The following HIVEP1 variants were observed in gnomAD, a reference collection of about 807,000 sequenced individuals.
HIVEP1 encodes the protein HIVEP zinc finger 1, also known as zinc finger protein 40.
In HIVEP1, 36 loss-of-function variants were observed where a neutral mutation model predicts 180.0. The observed-to-expected ratio is 0.20, with a 90% confidence interval of 0.15 to 0.26. The LOEUF (loss-of-function observed/expected upper bound fraction) is 0.26, where lower values mean the gene tolerates loss of function less well. HIVEP1 is among the 10% of genes least tolerant of loss of function. The pLI is 1.00. For synonymous variants in HIVEP1, 1,239 were observed against 1,239.0 expected (o/e 1.00, Z 0.00); for missense variants, 3,143 against 3,268.7 (o/e 0.96, Z 0.94).
At chr6:12,183,732 TACCTCTAATATTC>T in the HIVEP1 span, among the ~76,000 whole-genome samples, 1 of 152,180 alleles carries the variant, frequency 6.6e-6, no homozygotes, top group African/African-American at 2.4e-5. Flanking sequence ...GTGTGGCACA[TACCTCTAATATTC>T]ATATATAAGC....
At chr6:12,186,547 TAA>T in the HIVEP1 span, among the ~76,000 whole-genome samples, 4 of 140,734 alleles carry the variant, frequency 2.8e-5, no homozygotes, top group African/African-American at 1.1e-4. Context: ...ATCAAATTGT[TAA>T]AAAAAAAAAA....
At chr6:12,098,746 A>C (rs923240595) in intron 3 of HIVEP1, among the ~76,000 whole-genome samples, 2 of 152,214 alleles carry the variant, frequency 1.3e-5, no homozygotes, top group Non-Finnish European at 2.9e-5. Context: ...AGACAGATAA[A>C]GAACTGGGAG....
At chr6:12,072,360 G>A (rs537181839) in intron 2 of HIVEP1, among the ~76,000 whole-genome samples, 1 of 152,204 alleles carries the variant, frequency 6.6e-6, no homozygotes, top group Admixed American at 6.5e-5. Context: ...TTTAAATCCT[G>A]TTGCCTCGCT....
Position 12,123,041 on chromosome 6 carries a change from G to A in HIVEP1, c.3246G>A (p.Gln1082=). The A allele has an allele frequency of 1.2e-6, 2 of 1,614,192 alleles. No individual in the cohort carries two copies. The highest frequency in any genetic ancestry group is 1.3e-5 in the African/African-American group (1 of 75,044). The stretch of plus-strand genomic sequence containing the variant: ...ATGTTACCATAAGAAGTGACCAGCA[G>A]CATAAAAATATACAGTTGCAAAACT... The part of the protein sequence containing the change: ...KHNVTIRSDQ[Q]HKNIQLQNSH... Residue 1082 remains glutamine, a synonymous_variant, in exon 4 of 9, where the codon CAG becomes CAA. Coordinates refer to ENST00000379388, the MANE Select transcript of HIVEP1 (RefSeq NM_002114.4).
intron 3 of HIVEP1, among the ~76,000 whole-genome samples, chr6:12,095,721 C>T (rs891966319): frequency 6.6e-6 from 1 of 151,658 alleles, no homozygotes; most frequent in East Asian, 1.9e-4. Flanking sequence ...ATCATTTTGC[C>T]ATGATGAAAA....
intron 2 of HIVEP1, among the ~76,000 whole-genome samples, chr6:12,040,624 G>T (rs1032659781): frequency 1.3e-5 from 2 of 152,184 alleles, no homozygotes; most frequent in East Asian, 3.8e-4. Context: ...TATAACTTGT[G>T]TGATTTAAAT....
In HIVEP1 at chr6:12,124,800, A is replaced by G. The variant is rs777554383; in HGVS notation, c.5005A>G (p.Ile1669Val). 1.2e-4 allele frequency: 197 copies of G among 1,614,058 alleles called. No individual in the cohort carries two copies. The highest frequency in any genetic ancestry group is 1.6e-4 in the Non-Finnish European group (189 of 1,180,044). ...GACCCAAGATCTGCCCAATCAGCCA[A>G]TTTGCCAGACTAATCATAGTGTAGT... The part of the protein sequence containing the change: ...LVTQDLPNQP[I>V]CQTNHSVVPI... Residue 1669 changes from isoleucine (I) to valine (V), a missense_variant, in exon 4 of 9, where the codon ATT becomes GTT. This residue lies in a region of HIVEP1 where 1,357 missense variants were observed against 1,260.5 expected (regional missense o/e 1.08). Transcript: ENST00000379388.
At chr6:12,187,097 T>TA in the HIVEP1 span, among the ~76,000 whole-genome samples, 1 of 152,144 alleles carries the variant, frequency 6.6e-6, no homozygotes, top group African/African-American at 2.4e-5. Context: ...AGAGATTTCT[T>TA]AAAAATGAAG....
intron 2 of HIVEP1, among the ~76,000 whole-genome samples, chr6:12,077,412 A>G (rs4552724): frequency 1.3e-5 from 2 of 152,174 alleles, no homozygotes; most frequent in Non-Finnish European, 2.9e-5. Flanking sequence ...TGGGTGCTCT[A>G]GTGCCATGGG....
chr6:12,046,518 C>T (rs1770123302), intron 2 of HIVEP1, among the ~76,000 whole-genome samples: 4 of 152,110 alleles, frequency 2.6e-5, no homozygotes, highest in East Asian at 1.9e-4. Flanking sequence ...CGGTGGCTCA[C>T]GCCTGTAATC....
chr6:12,062,453 A>G (rs910558836), intron 2 of HIVEP1, among the ~76,000 whole-genome samples: 4 of 152,240 alleles, frequency 2.6e-5, no homozygotes, highest in South Asian at 2.1e-4. Context: ...ACATTTCATT[A>G]TTTTTCTTAA....
At chr6:12,048,282 C>A (rs995496656) in intron 2 of HIVEP1, among the ~76,000 whole-genome samples, 2 of 152,214 alleles carry the variant, frequency 1.3e-5, no homozygotes, top group East Asian at 3.8e-4. Context: ...TATGTCAAGG[C>A]TGGAGAGTGG....
intron 3 of HIVEP1, among the ~76,000 whole-genome samples, chr6:12,098,374 G>A (rs1228156016): frequency 6.6e-6 from 1 of 152,124 alleles, no homozygotes; most frequent in East Asian, 1.9e-4. Context: ...GGGGATTCAC[G>A]GAAGAGTGGT....
chr6:12,168,217 T>C (rs1482250231), downstream of HIVEP1, among the ~76,000 whole-genome samples: 8 of 100,558 alleles, frequency 8.0e-5, no homozygotes, highest in Non-Finnish European at 1.6e-4. Context: ...TATACATATA[T>C]ACATATATTA....
chr6:12,152,500 G>C (rs1165393139), intron 7 of HIVEP1, among the ~76,000 whole-genome samples: 1 of 152,144 alleles, frequency 6.6e-6, no homozygotes, highest in Non-Finnish European at 1.5e-5. Context: ...TCTGTGCTTT[G>C]TTTTGGTGCC....
chr6:12,043,242 T>A (rs1451551565), intron 2 of HIVEP1, among the ~76,000 whole-genome samples: 13 of 152,196 alleles, frequency 8.5e-5, no homozygotes, highest in Admixed American at 7.9e-4. Flanking sequence ...TGTTTTTACC[T>A]ACTCTCTTTA....
At chr6:12,193,641 C>T in the HIVEP1 span, among the ~76,000 whole-genome samples, 1 of 151,928 alleles carries the variant, frequency 6.6e-6, no homozygotes, top group African/African-American at 2.4e-5. Flanking sequence ...TGTGGAATAT[C>T]GTTTAAAGCT....
At chr6:12,110,805 G>A (rs1440289368) in intron 3 of HIVEP1, among the ~76,000 whole-genome samples, 1 of 152,182 alleles carries the variant, frequency 6.6e-6, no homozygotes, top group East Asian at 1.9e-4. Context: ...TTACTGGCTG[G>A]TACAAGCATC....
Position 12,132,403 on chromosome 6 carries a change from T to C in HIVEP1, c.6385+1461T>C, listed in dbSNP as rs574750328. On this transcript the variant is annotated intron_variant, in intron 6 of 8. Coordinates refer to ENST00000379388, the MANE Select transcript of HIVEP1 (RefSeq NM_002114.4). ...CAAATACAAGAAGATCAAGATACAA[T>C]GGGAAATGGGTATTTCTCAATAGAA... 9.2e-5 allele frequency among the ~76,000 whole-genome samples: 14 copies of C among 152,226 alleles called. 2 individuals are homozygous for C. Among genetic ancestry groups the C allele is most frequent in the African/African-American group, 3.4e-4 (14 of 41,552 alleles).
Sources: gnomAD v4.1 joint callset for allele counts (sites outside exome capture counted in the v4.1 genomes callset) on GRCh38, gnomAD v4.1.1 for gene constraint, gnomAD v4.1.1 regional missense constraint, MANE v1.5 for transcripts, NCBI Gene and HGNC (gene_info 2026-07-23, HGNC 2026-07-21) for gene names.